Variants in DNAH17 observed in about 807,000 individuals in gnomAD.
DNAH17 encodes dynein axonemal heavy chain 17, also known as axonemal beta dynein heavy chain 17.
A neutral mutation model predicts 485.6 loss-of-function variants in DNAH17; 376 were observed. That is an observed-to-expected ratio of 0.77 (90% CI 0.71 to 0.84). The LOEUF (loss-of-function observed/expected upper bound fraction) is 0.84, where lower values mean the gene tolerates loss of function less well. Ranked by LOEUF, DNAH17 falls within the 40% of genes least tolerant of loss-of-function variation. DNAH17 has a pLI of 0.00. For missense variants in DNAH17, 6,370 were observed against 5,839.3 expected (o/e 1.09, Z -2.96); for synonymous variants, 3,031 against 2,405.9 (o/e 1.26, Z -7.60).
At position 78,484,095 on chromosome 17, in the gene DNAH17, C is replaced by CAA. The variant is rs11290299; in HGVS notation, c.7649+771_7649+772dup. Among the ~76,000 whole-genome samples, 73 of 38,398 alleles carry CAA rather than the reference C, an allele frequency of 1.9e-3. 5 individuals carry two copies. Among genetic ancestry groups the CAA allele is most frequent in the South Asian group, 8.9e-3 (5 of 560 alleles). 25.2% of individuals were successfully genotyped at this position (38,398 alleles called of 152,430 possible). A position where few individuals can be genotyped will look rare whatever the true frequency, so the allele number is the denominator to read the frequency against. On this transcript the variant is annotated intron_variant, in intron 48 of 80. Transcript: ENST00000389840. ...TGAGAGACAGAGCGAGATTTCTCCT[C>CAA]AAAAAAAAAAAAAAAAAAAAAAAAA...
At chr17:78,490,406 G>A (rs752939848) in intron 44 of DNAH17, among the ~76,000 whole-genome samples, 5 of 152,148 alleles carry the variant, frequency 3.3e-5, no homozygotes, top group Non-Finnish European at 5.9e-5. Flanking sequence ...AATCACCTGG[G>A]AAGACTTCCC....
At chr17:78,531,300 C>CT (rs1240147721) in intron 20 of DNAH17, among the ~76,000 whole-genome samples, 3 of 144,098 alleles carry the variant, frequency 2.1e-5, no homozygotes, top group Non-Finnish European at 3.0e-5. Context: ...TAGTGACCTT[C>CT]TTGGTCTCGT....
chr17:78,515,165 G>T, intron 25 of DNAH17, 143 bp from the exon 26 acceptor site: 2 of 1,006,616 alleles, frequency 2.0e-6, no homozygotes. Context: ...TCAGTAAAGT[G>T]ATTAGATACA....
At chr17:78,531,335 G>GACTTTT (rs1312236366) in intron 20 of DNAH17, among the ~76,000 whole-genome samples, 1 of 141,578 alleles carries the variant, frequency 7.1e-6, no homozygotes, top group African/African-American at 2.7e-5. Context: ...CATAAAGTCT[G>GACTTTT]TCTTTTTTTT....
chr17:78,505,904 G>C lies in DNAH17; in HGVS notation c.4804-459C>G, dbSNP rs573350564. Among the ~76,000 whole-genome samples the C allele has an allele frequency of 2.8e-3, 426 of 152,226 alleles. 1 individual carries two copies. The highest frequency in any genetic ancestry group is 9.3e-3 in the African/African-American group (388 of 41,564). On this transcript the variant is annotated intron_variant, in intron 30 of 80. Coordinates refer to ENST00000389840, the MANE Select transcript of DNAH17 (RefSeq NM_173628.4). ...GAGGCAGGAGAATCACCTGAACCCAGGAGGCAGAGGTTGTGGTGAGCCGAG... is the reference window on the plus strand; with the variant it reads ...GAGGCAGGAGAATCACCTGAACCCACGAGGCAGAGGTTGTGGTGAGCCGAG...
rs759572374 is a variant in DNAH17, at chr17:78,506,746, G to T, written c.4777C>A (p.Leu1593Ile). 1.9e-6 allele frequency: 3 copies of T among 1,614,030 alleles called. No individual in the cohort carries two copies. The highest frequency in any genetic ancestry group is 2.2e-5 in the South Asian group (2 of 91,086). The stretch of plus-strand genomic sequence containing the variant: ...TCCACGGGGTCATTGCCATTGGAGA[G>T]AATGTCCAGGAGGTCAGCCGAGGAG... ...FVSSADLLDILSNGNDPVEVS... is the reference protein window; with the variant it reads ...FVSSADLLDIISNGNDPVEVS... The change falls in exon 30 of 81, where the codon CTC becomes ATC. Residue 1593 changes from leucine to isoleucine, a missense_variant. Physicochemically the swap from Leu to Ile is conservative, Grantham distance 5. Transcript: ENST00000389840.
At position 78,486,025 on chromosome 17, in the gene DNAH17, TTG is replaced by T. The variant is rs1568133789; in HGVS notation, c.7208_7209del (p.Thr2403LysfsTer9). The T allele has an allele frequency of 6.2e-7, 1 of 1,613,950 alleles. No homozygotes were observed. The highest frequency in any genetic ancestry group is 1.7e-5 in the Admixed American group (1 of 60,028). On this transcript the variant is annotated frameshift_variant, in exon 46 of 81. Coordinates refer to ENST00000389840, the MANE Select transcript of DNAH17 (RefSeq NM_173628.4). LOFTEE classifies it high-confidence loss of function. ...TIFDYYIDPD[T>X]KKFLPWTDKV... is the part of the protein sequence containing the mutation. ...TTATCTGTCCAGGGCAGGAACTTTT[TTG>T]TGTCAGGATCAATGTAGTAGTCAAA...
In DNAH17 at chr17:78,569,702, G is replaced by C. The variant is rs2092322358; in HGVS notation, c.1045-175C>G. Among the ~76,000 whole-genome samples, 3 of 152,326 alleles carry C rather than the reference G, an allele frequency of 2.0e-5. No homozygotes were observed. The South Asian group carries it at 6.2e-4, about 32-fold the overall frequency. ...GGGGACCGAGCTGCTTCCCCTCCTC[G>C]GCCCCTCATCCTTTGCCAAGGCTGC... On this transcript the variant is annotated intron_variant, in intron 7 of 80. Coordinates refer to ENST00000389840, the MANE Select transcript of DNAH17 (RefSeq NM_173628.4).
intron 26 of DNAH17, among the ~76,000 whole-genome samples, chr17:78,512,036 C>T (rs1485375402): frequency 6.6e-6 from 1 of 152,198 alleles, no homozygotes; most frequent in South Asian, 2.1e-4. Flanking sequence ...GCCTAGGGAG[C>T]AGAAGGGCCC....
Position 78,487,918 on chromosome 17 carries a change from C to G in DNAH17, c.6819-1412G>C, listed in dbSNP as rs147247188. 4.4e-4 allele frequency among the ~76,000 whole-genome samples: 67 copies of G among 152,262 alleles called. 1 individual carries two copies. The highest frequency in any genetic ancestry group is 1.6e-3 in the African/African-American group (65 of 41,552). The stretch of plus-strand genomic sequence containing the variant: ...AGAATTAAGAGCTGAACGTCTTTGC[C>G]GCATAGCACCCTGTATTATCCAGCG... On this transcript the variant is annotated intron_variant, in intron 44 of 80. Transcript: ENST00000389840.
At chr17:78,530,256 G>T in intron 21 of DNAH17, 87 bp downstream of exon 21, 1 of 1,441,410 alleles carries the variant, frequency 6.9e-7, no homozygotes, top group South Asian at 1.4e-5. Context: ...GGAGGCACCT[G>T]ACAAATGCCA....
At position 78,531,496 on chromosome 17, in the gene DNAH17, G is replaced by T. The variant is rs193120118; in HGVS notation, c.3115-984C>A. Among the ~76,000 whole-genome samples, 350 of 151,972 alleles carry T rather than the reference G, an allele frequency of 2.3e-3. 2 individuals are homozygous for T. Among genetic ancestry groups the T allele is most frequent in the Admixed American group, 0.02 (304 of 15,254 alleles). On this transcript the variant is annotated intron_variant, in intron 20 of 80. Transcript: ENST00000389840. ...TGGAACTACAGGCGCCTGCCACCAC[G>T]CCCAGCTAATTTTTTGTATTTTCAG...
chr17:78,528,940 G>C (rs985165078), intron 22 of DNAH17, among the ~76,000 whole-genome samples: 5 of 137,534 alleles, frequency 3.6e-5, no homozygotes, highest in Admixed American at 1.5e-4. Context: ...GGGACATAAA[G>C]GCATTTTGTA....
At chr17:78,461,473 C>G in intron 58 of DNAH17, 71 bp downstream of exon 58, 1 of 1,411,898 alleles carries the variant, frequency 7.1e-7, no homozygotes, top group South Asian at 1.5e-5. Context: ...CACCTGACCA[C>G]ACGTGGAAGC....
intron 77 of DNAH17, among the ~76,000 whole-genome samples, chr17:78,428,132 C>T (rs1377522164): frequency 4.6e-5 from 7 of 152,326 alleles, no homozygotes; most frequent in South Asian, 2.1e-4. Flanking sequence ...GAGTACCTGC[C>T]TGCACATCCG....
At chr17:78,456,206 G>C (rs1015719970) in intron 62 of DNAH17, among the ~76,000 whole-genome samples, 1 of 152,200 alleles carries the variant, frequency 6.6e-6, no homozygotes, top group Admixed American at 6.5e-5. Flanking sequence ...AGCCGAGGCG[G>C]GAGAATTGCT....
At chr17:78,475,183 G>A in intron 54 of DNAH17, 95 bp downstream of exon 54, 1 of 1,373,870 alleles carries the variant, frequency 7.3e-7, no homozygotes, top group Non-Finnish European at 1.0e-6. Context: ...CGGATTCCCT[G>A]TACTCGCTGG....
chr17:78,503,738 G>C (rs1422525714), intron 31 of DNAH17, among the ~76,000 whole-genome samples: 1 of 151,964 alleles, frequency 6.6e-6, no homozygotes, highest in East Asian at 2.0e-4. Context: ...GGCTGAGGCG[G>C]GTGGATCACC....
At chr17:78,540,015 T>C in intron 17 of DNAH17, 135 bp from the exon 18 acceptor site, 2 of 852,488 alleles carry the variant, frequency 2.3e-6, no homozygotes, top group Non-Finnish European at 3.2e-6. Context: ...AGCATCTTGC[T>C]GGTGCTGGCC....
Sources: allele counts gnomAD v4.1 joint callset (sites outside exome capture counted in the v4.1 genomes callset), GRCh38; gene constraint gnomAD v4.1.1; transcripts MANE v1.5; gene names NCBI Gene and HGNC (gene_info 2026-07-23, HGNC 2026-07-21).